LYZL2: variants seen among roughly 807,000 people sequenced by gnomAD.
LYZL2 encodes lysozyme-like protein 2.
A neutral mutation model predicts 17.1 loss-of-function variants in LYZL2; 13 were observed. The observed-to-expected ratio is 0.76, with a 90% CI of 0.49 to 1.21. LYZL2 has a LOEUF of 1.21. Among genes scored for constraint, LYZL2 ranks in the 50% most tolerant of loss-of-function variants. The pLI is 0.00. For synonymous variants in LYZL2, 63 were observed against 74.4 expected (o/e 0.85, Z 0.79); for missense variants, 166 against 189.2 (o/e 0.88, Z 0.72).
At chr10:30,628,396 C>T (rs947565246) in intron 1 of LYZL2, among the ~76,000 whole-genome samples, 1 of 152,150 alleles carries the variant, frequency 6.6e-6, no homozygotes, top group African/African-American at 2.4e-5. Context: ...GACAAAGCCT[C>T]ATGAAAGGAG....
intron 1 of LYZL2, among the ~76,000 whole-genome samples, chr10:30,627,177 A>G (rs1838727361): frequency 1.3e-5 from 2 of 152,170 alleles, no homozygotes; most frequent in African/African-American, 4.8e-5. Context: ...AGGGTTAAGT[A>G]AGTGAAAAAA....
intron 3 of LYZL2, 143 bp from the exon 4 acceptor site, chr10:30,613,043 A>T (rs1838470183): frequency 1.6e-6 from 1 of 622,356 alleles, no homozygotes; most frequent in Non-Finnish European, 2.8e-6. Context: ...CCACAATCTC[A>T]TTTCTGTTGA....
chr10:30,618,291 TCAATGA>T (rs1426759157), intron 3 of LYZL2, among the ~76,000 whole-genome samples: 2 of 151,914 alleles, frequency 1.3e-5, no homozygotes, highest in Non-Finnish European at 2.9e-5. Context: ...CATCAAGCTA[TCAATGA>T]CTTTCTTCAC....
intron 3 of LYZL2, among the ~76,000 whole-genome samples, chr10:30,624,860 G>C (rs78158366): frequency 0.035 from 5,281 of 152,262 alleles, 129 homozygotes; most frequent in South Asian, 0.05. Context: ...TTGCCCAGCT[G>C]TGGTTACAGA....
rs763865489 is a variant in LYZL2 at position 30,629,494 on chromosome 10, G to A, written c.-26+99C>T. ...CAAACAAGTCAAAACAAAACCCGTA[G>A]CAATGATAACCCCAAGCATCATGTT... is the stretch of plus-strand genomic sequence containing the variant. On this transcript the variant is annotated intron_variant, in intron 1 of 4. Transcript: ENST00000647634. The A allele has an allele frequency of 3.4e-6, 4 of 1,167,282 alleles. No individual in the cohort carries two copies. In the South Asian group the frequency reaches 6.7e-5, roughly 19 times the overall value. The allele number at this position is 1,167,282 out of a possible 1,614,324, so 72.3% of individuals were successfully genotyped here.
intron 3 of LYZL2, among the ~76,000 whole-genome samples, chr10:30,619,059 A>T (rs1215077093): frequency 6.6e-6 from 1 of 152,272 alleles, no homozygotes; most frequent in Non-Finnish European, 1.5e-5. Flanking sequence ...TTATGCAGCC[A>T]ACAGACACAT....
chr10:30,622,149 A>G (rs1046238903), intron 3 of LYZL2, among the ~76,000 whole-genome samples: 1 of 152,222 alleles, frequency 6.6e-6, no homozygotes, highest in African/African-American at 2.4e-5. Flanking sequence ...AGGAAATAAA[A>G]GAGAATACTA....
chr10:30,621,418 A>AT lies in LYZL2; in HGVS notation c.298+4686dup, dbSNP rs74355775. On this transcript the variant is annotated intron_variant, in intron 3 of 4. Transcript: ENST00000647634. The stretch of plus-strand genomic sequence containing the variant: ...AACATGACGAGACCCCATCTCCACA[A>AT]TTTTTTTTTTTTTAAATCAGCCAGG... Among the ~76,000 whole-genome samples, 226 of 147,364 alleles carry AT rather than the reference A, an allele frequency of 1.5e-3. 1 individual carries two copies. The highest frequency in any genetic ancestry group is 0.011 in the Middle Eastern group (3 of 282).
chr10:30,611,852 A>T lies in LYZL2; in HGVS notation c.*103T>A. On this transcript the variant is annotated 3_prime_UTR_variant, in exon 5 of 5. Transcript: ENST00000647634. ...GCTTAATTTTCCCTCTCCAAGTTTGAGAAGGAATATTGGGAGGAAACGGGA... is the reference window on the plus strand; with the variant it reads ...GCTTAATTTTCCCTCTCCAAGTTTGTGAAGGAATATTGGGAGGAAACGGGA... 1 of 1,580,768 alleles carries T rather than the reference A, an allele frequency of 6.3e-7. No individual in the cohort carries two copies. Among genetic ancestry groups the T allele is most frequent in the South Asian group, 1.2e-5 (1 of 84,566 alleles).
downstream of LYZL2, among the ~76,000 whole-genome samples, chr10:30,610,108 A>T (rs1185561287): frequency 1.7e-5 from 2 of 118,960 alleles, no homozygotes; most frequent in African/African-American, 6.9e-5. Flanking sequence ...GAACACTAAC[A>T]ATAGCTGATG....
chr10:30,610,090 A>T (rs1164961501), downstream of LYZL2, among the ~76,000 whole-genome samples: 1 of 151,082 alleles, frequency 6.6e-6, no homozygotes, highest in Non-Finnish European at 1.5e-5. Context: ...GCCACAAATA[A>T]AATACATGAA....
downstream of LYZL2, among the ~76,000 whole-genome samples, chr10:30,610,034 C>A (rs973478015): frequency 6.6e-6 from 1 of 152,060 alleles, no homozygotes; most frequent in South Asian, 2.1e-4. Context: ...GGTATCCAAT[C>A]TTTTGACTTC....
At chr10:30,627,539 T>C (rs1476772032) in intron 1 of LYZL2, among the ~76,000 whole-genome samples, 4 of 152,178 alleles carry the variant, frequency 2.6e-5, no homozygotes, top group South Asian at 2.1e-4. Context: ...TATTTACAAA[T>C]AGTAAATATA....
intron 3 of LYZL2, among the ~76,000 whole-genome samples, chr10:30,617,397 C>T (rs554016496): frequency 2.6e-5 from 4 of 152,040 alleles, no homozygotes; most frequent in Non-Finnish European, 5.9e-5. Flanking sequence ...GTATGTCGAC[C>T]GGGCGCGGCG....
intron 3 of LYZL2, among the ~76,000 whole-genome samples, chr10:30,624,770 C>T (rs1564409850): frequency 6.6e-6 from 1 of 152,152 alleles, no homozygotes; most frequent in Admixed American, 6.6e-5. Flanking sequence ...GAACTCCTGG[C>T]CTAAGGTGAC....
intron 4 of LYZL2, among the ~76,000 whole-genome samples, chr10:30,612,390 C>T (rs1189434644): frequency 6.6e-6 from 1 of 152,166 alleles, no homozygotes; most frequent in Non-Finnish European, 1.5e-5. Flanking sequence ...TCTGCTGAGT[C>T]GCCATGACAC....
downstream of LYZL2, among the ~76,000 whole-genome samples, chr10:30,606,863 C>A (rs901834814): frequency 6.6e-6 from 1 of 151,288 alleles, no homozygotes; most frequent in Non-Finnish European, 1.5e-5. Context: ...TAGTACCAAC[C>A]AAATGGTAGA....
At chr10:30,609,339 G>C (rs1838407686), downstream of LYZL2, among the ~76,000 whole-genome samples, 1 of 152,194 alleles carries the variant, frequency 6.6e-6, no homozygotes, top group South Asian at 2.1e-4. Context: ...TAGAGGAGCA[G>C]GGAGCTTCAT....
At chr10:30,624,328 T>C (rs577272101) in intron 3 of LYZL2, among the ~76,000 whole-genome samples, 6 of 152,294 alleles carry the variant, frequency 3.9e-5, no homozygotes, top group African/African-American at 1.4e-4. Context: ...TATAATATCT[T>C]CCAGCTTTAT....
Sources: gnomAD v4.1 joint callset for allele counts (sites outside exome capture counted in the v4.1 genomes callset) on GRCh38, gnomAD v4.1.1 for gene constraint, MANE v1.5 for transcripts, NCBI Gene and HGNC (gene_info 2026-07-23, HGNC 2026-07-21) for gene names.